LRRC74A: variants seen among roughly 807,000 people sequenced by gnomAD.
The protein encoded by LRRC74A is leucine rich repeat containing 74A.
LRRC74A carries 44 observed loss-of-function variants against 57.9 expected under a neutral mutation model. That is an observed-to-expected ratio of 0.76 (90% CI 0.60 to 0.98). The LOEUF (loss-of-function observed/expected upper bound fraction) is 0.98. LRRC74A is among the 50% of genes least tolerant of loss of function. The pLI is 0.00. For synonymous variants in LRRC74A, 211 were observed against 219.4 expected, an observed-to-expected ratio of 0.96 and a Z score of 0.34; for missense variants, 572 against 574.0, an observed-to-expected ratio of 1.00 and a Z score of 0.04.
chr14:76,857,120 A>AGATGGATG (rs10691315), intron 9 of LRRC74A, among the ~76,000 whole-genome samples: 113,780 of 147,482 alleles, frequency 0.77, 46,480 homozygotes, highest in Non-Finnish European at 0.9. Context: ...GTAGGTGGAT[A>AGATGGATG]GATGGATGGA....
intron 8 of LRRC74A, 52 bp downstream of exon 8, chr14:76,852,502 G>A (rs1897572601): frequency 7.1e-7 from 1 of 1,399,268 alleles, no homozygotes; most frequent in African/African-American, 1.4e-5. Context: ...GACAGCCAGG[G>A]CCTCCCATCC....
chr14:76,838,201 C>T (rs550217571), intron 5 of LRRC74A, among the ~76,000 whole-genome samples: 289 of 152,252 alleles, frequency 1.9e-3, no homozygotes, highest in Non-Finnish European at 3.6e-3. Context: ...TTATCATGTA[C>T]TTTACCACCC....
chr14:76,869,484 T>G (rs368715444), intron 13 of LRRC74A, among the ~76,000 whole-genome samples: 1 of 152,222 alleles, frequency 6.6e-6, no homozygotes, highest in Non-Finnish European at 1.5e-5. Flanking sequence ...CTGGGCGCGG[T>G]GCTCACGCCT....
intron 9 of LRRC74A, 102 bp from the exon 10 acceptor site, chr14:76,857,278 G>A (rs892592545): frequency 4.3e-6 from 3 of 694,610 alleles, no homozygotes; most frequent in Non-Finnish European, 7.8e-6. Flanking sequence ...TGAAGTCTGG[G>A]TGTGAGACAG....
chr14:76,841,749 T>C (rs1344258950), intron 5 of LRRC74A, among the ~76,000 whole-genome samples: 1 of 151,522 alleles, frequency 6.6e-6, no homozygotes, highest in Non-Finnish European at 1.5e-5. Flanking sequence ...GTTTCACTCT[T>C]GTTGCCAGGC....
intron 2 of LRRC74A, among the ~76,000 whole-genome samples, chr14:76,829,538 C>T (rs943720706): frequency 1.3e-5 from 2 of 152,328 alleles, no homozygotes; most frequent in African/African-American, 4.8e-5. Context: ...GGTCCTGTTT[C>T]TATCTCATTC....
intron 9 of LRRC74A, among the ~76,000 whole-genome samples, chr14:76,853,746 T>TTTTTG (rs999502196): frequency 3.9e-4 from 60 of 152,098 alleles, no homozygotes; most frequent in Middle Eastern, 3.4e-3. Flanking sequence ...CGGAGTGTGC[T>TTTTTG]TTTTGTTTTG....
intron 3 of LRRC74A, among the ~76,000 whole-genome samples, chr14:76,832,159 A>G (rs1033962369): frequency 1.3e-5 from 2 of 152,248 alleles, no homozygotes; most frequent in African/African-American, 4.8e-5. Flanking sequence ...AAGAGGACTT[A>G]CAGGACCACC....
rs752982441 is a variant in LRRC74A at position 76,828,360 on chromosome 14, C to CT, written c.107_108insT (p.Thr37AspfsTer3). 1.9e-6 allele frequency: 3 copies of CT among 1,613,820 alleles called. No homozygotes were observed. The Admixed American group carries it at 5.0e-5, about 27-fold the overall frequency. Reference sequence around the variant, plus strand: ...CTCTACTGTGAGGCCGAATCCCCGCCGACTGTTGAAAAAGTGAAACCAGCC... The same window carrying CT: ...CTCTACTGTGAGGCCGAATCCCCGCCTGACTGTTGAAAAAGTGAAACCAGCC... On this transcript the variant is annotated frameshift_variant, in exon 2 of 14. Transcript: ENST00000689127. LOFTEE classifies it high-confidence loss of function.
intron 7 of LRRC74A, among the ~76,000 whole-genome samples, chr14:76,849,009 G>C (rs903372147): frequency 7.2e-5 from 11 of 152,230 alleles, no homozygotes; most frequent in Non-Finnish European, 1.6e-4. Context: ...CAGACCACTA[G>C]GGTTGATGGG....
intron 5 of LRRC74A, among the ~76,000 whole-genome samples, chr14:76,843,380 G>T (rs1479554438): frequency 2.0e-5 from 3 of 151,536 alleles, no homozygotes; most frequent in Non-Finnish European, 2.9e-5. Context: ...GTTGTATTAG[G>T]ATATTATTCT....
intron 12 of LRRC74A, among the ~76,000 whole-genome samples, chr14:76,866,706 G>C (rs1898826562): frequency 6.6e-6 from 1 of 151,882 alleles, no homozygotes; most frequent in South Asian, 2.1e-4. Flanking sequence ...GGATGCAAAG[G>C]AGAGTCCTGT....
At chr14:76,866,278 T>C (rs1339972922) in intron 12 of LRRC74A, among the ~76,000 whole-genome samples, 1 of 152,104 alleles carries the variant, frequency 6.6e-6, no homozygotes, top group Non-Finnish European at 1.5e-5. Context: ...CTGAAGTCAT[T>C]CCTGTGCTGT....
chr14:76,857,809 G>A (rs1898017152), intron 10 of LRRC74A, among the ~76,000 whole-genome samples: 2 of 152,236 alleles, frequency 1.3e-5, no homozygotes, highest in African/African-American at 2.4e-5. Context: ...TTGCAGATGA[G>A]TGGCCCTCGG....
chr14:76,852,441 T>G lies in LRRC74A; in HGVS notation c.753T>G (p.Asn251Lys). 6.2e-7 allele frequency: 1 copy of G among 1,606,666 alleles called. No individual in the cohort carries two copies. The highest frequency in any genetic ancestry group is 8.5e-7 in the Non-Finnish European group (1 of 1,174,950). ...FHTRGAVALC[N>K]GLRGNVTLTK... The stretch of plus-strand genomic sequence containing the variant: ...CAAGGGGAGCTGTGGCCTTGTGCAA[T>G]GGTCTCCGGGTAAGGCACTCTCCAG... The change falls in exon 8 of 14, where the codon AAT (asparagine) becomes AAG (lysine). Residue 251 changes from asparagine to lysine, a missense_variant. Physicochemically the swap from Asn to Lys is moderately conservative, Grantham distance 94 (BLOSUM62 0). Transcript: ENST00000689127.
At chr14:76,841,623 A>G (rs957507069) in intron 5 of LRRC74A, among the ~76,000 whole-genome samples, 35 of 152,178 alleles carry the variant, frequency 2.3e-4, no homozygotes, top group Admixed American at 2.2e-3. Flanking sequence ...AATTTATGAA[A>G]GAACTGACAT....
Position 76,853,196 on chromosome 14 carries a change from G to A in LRRC74A, c.763-20G>A. The A allele has an allele frequency of 6.3e-7, 1 of 1,587,432 alleles. No individual in the cohort carries two copies. Among genetic ancestry groups the A allele is most frequent in the Non-Finnish European group, 8.6e-7 (1 of 1,156,520 alleles). Reference sequence around the variant, plus strand: ...CACGCGTAACCTTGATGCTGGTGCTGTTCTCCCCTCTTCCTGGAGGGTAAT... The same window carrying A: ...CACGCGTAACCTTGATGCTGGTGCTATTCTCCCCTCTTCCTGGAGGGTAAT... On this transcript the variant is annotated intron_variant, in intron 8 of 13. Coordinates refer to ENST00000689127, the MANE Select transcript of LRRC74A (RefSeq NM_001385106.1).
intron 11 of LRRC74A, among the ~76,000 whole-genome samples, 152 bp from the exon 12 acceptor site, chr14:76,865,816 C>T (rs762172175): frequency 3.3e-5 from 5 of 152,212 alleles, no homozygotes; most frequent in Admixed American, 6.5e-5. Context: ...ACCCAACACC[C>T]GGGAGACGCA....
At chr14:76,834,480 T>C (rs973177703) in intron 3 of LRRC74A, among the ~76,000 whole-genome samples, 1 of 152,220 alleles carries the variant, frequency 6.6e-6, no homozygotes, top group African/African-American at 2.4e-5. Flanking sequence ...ACTGATTAAC[T>C]TTTCACATGT....
Sources: allele counts gnomAD v4.1 joint callset (sites outside exome capture counted in the v4.1 genomes callset), GRCh38; gene constraint gnomAD v4.1.1; transcripts MANE v1.5; gene names NCBI Gene and HGNC (gene_info 2026-07-23, HGNC 2026-07-21).